WDR72: variants seen among roughly 807,000 people sequenced by gnomAD.
The protein encoded by WDR72 is WD repeat-containing protein 72.
In WDR72, 120 loss-of-function variants were observed where a neutral mutation model predicts 124.2. The observed-to-expected ratio is 0.97, with a 90% CI of 0.83 to 1.12. The LOEUF is 1.12. Ranked by LOEUF, WDR72 falls within the 50% of genes most tolerant of loss-of-function variation. WDR72 has a pLI of 0.00. For synonymous variants in WDR72, 452 were observed against 441.7 expected, an observed-to-expected ratio of 1.02 and a Z score of -0.29; for missense variants, 1,387 against 1,278.8, an observed-to-expected ratio of 1.08 and a Z score of -1.29.
chr15:53,633,609 T>A (rs550062601), intron 14 of WDR72, among the ~76,000 whole-genome samples: 2 of 152,286 alleles, frequency 1.3e-5, no homozygotes, highest in Admixed American at 1.3e-4. Flanking sequence ...TATTTATGTA[T>A]CTAACAGCAT....
chr15:53,522,152 G>C (rs1416214914), intron 19 of WDR72, among the ~76,000 whole-genome samples: 1 of 151,994 alleles, frequency 6.6e-6, no homozygotes, highest in Non-Finnish European at 1.5e-5. Flanking sequence ...GTTCCGAGAT[G>C]ACTTAGGGGA....
At chr15:53,693,066 A>G (rs1490218830) in intron 13 of WDR72, among the ~76,000 whole-genome samples, 3 of 152,194 alleles carry the variant, frequency 2.0e-5, no homozygotes, top group Non-Finnish European at 4.4e-5. Context: ...TATAATGAAA[A>G]TCGTATACTG....
chr15:53,755,376 G>T (rs2018874388), intron 1 of WDR72, among the ~76,000 whole-genome samples: 1 of 152,120 alleles, frequency 6.6e-6, no homozygotes, highest in African/African-American at 2.4e-5. Context: ...AAAAATTAAT[G>T]ATGCTATTAC....
intron 14 of WDR72, among the ~76,000 whole-genome samples, chr15:53,632,690 G>T (rs1359665442): frequency 6.6e-6 from 1 of 152,234 alleles, no homozygotes; most frequent in Non-Finnish European, 1.5e-5. Context: ...AGCGGCCCAT[G>T]GTCTTCAGAG....
At chr15:53,700,638 A>C (rs1033026437) in intron 12 of WDR72, among the ~76,000 whole-genome samples, 1 of 152,124 alleles carries the variant, frequency 6.6e-6, no homozygotes, top group Non-Finnish European at 1.5e-5. Flanking sequence ...GTTTTGTTTA[A>C]AGCATCAGTT....
intron 13 of WDR72, among the ~76,000 whole-genome samples, chr15:53,670,023 CAT>C (rs1454879026): frequency 6.6e-6 from 1 of 152,098 alleles, no homozygotes; most frequent in African/African-American, 2.4e-5. Context: ...GGTGCAGAGA[CAT>C]AGGTGAGTTA....
At chr15:53,684,656 C>A (rs1433979672) in intron 13 of WDR72, 1 of 154,296 alleles carries the variant, frequency 6.5e-6, no homozygotes, top group Non-Finnish European at 1.4e-5. Context: ...ATTGCCCAGG[C>A]TTGATTAGGT....
chr15:53,654,733 G>C (rs751551975), intron 14 of WDR72, among the ~76,000 whole-genome samples: 1 of 151,892 alleles, frequency 6.6e-6, no homozygotes, highest in Non-Finnish European at 1.5e-5. Flanking sequence ...GTATATTGAG[G>C]GCATAATTTG....
intron 17 of WDR72, among the ~76,000 whole-genome samples, chr15:53,603,173 T>C (rs1355262923): frequency 6.6e-6 from 1 of 151,970 alleles, no homozygotes; most frequent in Admixed American, 6.6e-5. Context: ...GGATGCAAGT[T>C]TGGTTCAACA....
At chr15:53,657,019 C>A (rs984983164) in intron 14 of WDR72, among the ~76,000 whole-genome samples, 15 of 151,924 alleles carry the variant, frequency 9.9e-5, no homozygotes, top group African/African-American at 3.6e-4. Context: ...AATCCCAGCA[C>A]TTTGGGAGGC....
chr15:53,740,154 A>G (rs2018468591), intron 1 of WDR72, among the ~76,000 whole-genome samples: 1 of 151,996 alleles, frequency 6.6e-6, no homozygotes, highest in African/African-American at 2.4e-5. Flanking sequence ...CCGGTTTTGT[A>G]TCTCCCTGAA....
chr15:53,525,755 G>C (rs73404398), intron 18 of WDR72, among the ~76,000 whole-genome samples: 1 of 151,962 alleles, frequency 6.6e-6, no homozygotes, highest in Admixed American at 6.6e-5. Context: ...TGACTTGTGT[G>C]GGGGAGGGGA....
chr15:53,576,334 G>C (rs1894753850), intron 18 of WDR72, among the ~76,000 whole-genome samples: 1 of 152,082 alleles, frequency 6.6e-6, no homozygotes, highest in Non-Finnish European at 1.5e-5. Flanking sequence ...CCCTCAGACT[G>C]TCAGCAGTAA....
intron 17 of WDR72, among the ~76,000 whole-genome samples, chr15:53,607,565 T>C (rs1410769112): frequency 6.6e-6 from 1 of 152,088 alleles, no homozygotes; most frequent in African/African-American, 2.4e-5. Context: ...ATCAAACTAC[T>C]ACAAGAAAAC....
chr15:53,703,546 G>A (rs139384146), intron 11 of WDR72, among the ~76,000 whole-genome samples: 150 of 151,320 alleles, frequency 9.9e-4, no homozygotes, highest in African/African-American at 3.3e-3. Context: ...TCCTTACTTC[G>A]GACAAGACTG....
intron 13 of WDR72, among the ~76,000 whole-genome samples, chr15:53,696,106 A>T (rs1201647909): frequency 1.3e-5 from 2 of 152,034 alleles, no homozygotes; most frequent in Non-Finnish European, 2.9e-5. Flanking sequence ...TGGGCTCTGG[A>T]GTTGCTCTAG....
At chr15:53,706,745 A>G (rs1454308770) in intron 9 of WDR72, among the ~76,000 whole-genome samples, 4 of 152,116 alleles carry the variant, frequency 2.6e-5, no homozygotes, top group Admixed American at 6.6e-5. Flanking sequence ...TTCAGATTGA[A>G]CATACTTGAT....
At chr15:53,656,985 C>A (rs1242824988) in intron 14 of WDR72, among the ~76,000 whole-genome samples, 1 of 151,976 alleles carries the variant, frequency 6.6e-6, no homozygotes, top group Admixed American at 6.6e-5. Context: ...GAAAAACAGG[C>A]CTCGCATGGT....
At chr15:53,624,277 T>C (rs1236754525) in intron 14 of WDR72, among the ~76,000 whole-genome samples, 1 of 152,208 alleles carries the variant, frequency 6.6e-6, no homozygotes, top group Non-Finnish European at 1.5e-5. Flanking sequence ...GACTACTAAA[T>C]GCATTCTAAG....
Sources: gnomAD v4.1 joint callset for allele counts (sites outside exome capture counted in the v4.1 genomes callset) on GRCh38, gnomAD v4.1.1 for gene constraint, MANE v1.5 for transcripts, NCBI Gene and HGNC (gene_info 2026-07-23, HGNC 2026-07-21) for gene names.